CFAP299: variants seen among roughly 807,000 people sequenced by gnomAD.
CFAP299 encodes the protein cilia- and flagella-associated protein 299.
CFAP299 carries 21 observed loss-of-function variants against 27.0 expected under a neutral mutation model. The ratio of observed to expected loss-of-function variants is 0.78; its 90% confidence interval spans 0.55 to 1.12. The LOEUF is 1.12. Ranked by LOEUF, CFAP299 falls within the 50% of genes most tolerant of loss-of-function variation. CFAP299 has a pLI of 0.00. For synonymous variants in CFAP299, 104 were observed against 98.1 expected, an observed-to-expected ratio of 1.06 and a Z score of -0.36; for missense variants, 310 against 276.6, an observed-to-expected ratio of 1.12 and a Z score of -0.86.
At chr4:80,815,544 A>T (rs1729378670) in intron 3 of CFAP299, among the ~76,000 whole-genome samples, 1 of 152,096 alleles carries the variant, frequency 6.6e-6, no homozygotes, top group Non-Finnish European at 1.5e-5. Flanking sequence ...AAAGCGGCAC[A>T]GAATAATGAG....
chr4:80,680,749 A>G (rs1168265433), intron 3 of CFAP299, among the ~76,000 whole-genome samples: 1 of 152,190 alleles, frequency 6.6e-6, no homozygotes, highest in Non-Finnish European at 1.5e-5. Flanking sequence ...ATTAAGGCCC[A>G]GGCAAGGAAA....
At chr4:80,701,654 G>A (rs1721489348) in intron 3 of CFAP299, among the ~76,000 whole-genome samples, 3 of 151,900 alleles carry the variant, frequency 2.0e-5, no homozygotes, top group African/African-American at 4.8e-5. Flanking sequence ...ATTGTTAGCA[G>A]AAACTTTCTT....
chr4:80,858,146 G>T (rs1266322922), intron 3 of CFAP299, among the ~76,000 whole-genome samples: 1 of 152,204 alleles, frequency 6.6e-6, no homozygotes, highest in Non-Finnish European at 1.5e-5. Context: ...GAGAGTGTAT[G>T]TGTCGAGGAA....
intron 2 of CFAP299, among the ~76,000 whole-genome samples, chr4:80,432,069 T>C (rs1010681871): frequency 6.6e-6 from 1 of 152,226 alleles, no homozygotes; most frequent in Non-Finnish European, 1.5e-5. Flanking sequence ...ATAATCTCAC[T>C]TATAGATAGG....
chr4:80,335,955 G>A, intron 1 of CFAP299, 76 bp downstream of exon 1: 3 of 937,054 alleles, frequency 3.2e-6, no homozygotes, highest in Non-Finnish European at 5.2e-6. Context: ...TTCGTGGGCT[G>A]GTCGCCCCCT....
intron 1 of CFAP299, among the ~76,000 whole-genome samples, chr4:80,360,269 C>T (rs1388073227): frequency 6.6e-6 from 1 of 152,180 alleles, no homozygotes; most frequent in Non-Finnish European, 1.5e-5. Flanking sequence ...TGCCTCTCTG[C>T]AGGCACTCAC....
At chr4:80,465,812 T>C (rs1729671786) in intron 2 of CFAP299, among the ~76,000 whole-genome samples, 1 of 152,214 alleles carries the variant, frequency 6.6e-6, no homozygotes, top group Admixed American at 6.5e-5. Context: ...CTTTGAGCTG[T>C]TCTTTCATTG....
At chr4:80,855,211 T>A (rs1731776568) in intron 3 of CFAP299, among the ~76,000 whole-genome samples, 1 of 152,114 alleles carries the variant, frequency 6.6e-6, no homozygotes, top group South Asian at 2.1e-4. Flanking sequence ...AGCATATATA[T>A]TATATGCATA....
At chr4:80,942,996 A>G (rs1402286883) in intron 4 of CFAP299, among the ~76,000 whole-genome samples, 1 of 152,198 alleles carries the variant, frequency 6.6e-6, no homozygotes, top group Non-Finnish European at 1.5e-5. Context: ...ATGCTACAGA[A>G]TCATCTGCTG....
intron 4 of CFAP299, among the ~76,000 whole-genome samples, chr4:80,911,145 T>C (rs962594466): frequency 6.6e-6 from 1 of 151,828 alleles, no homozygotes; most frequent in African/African-American, 2.4e-5. Flanking sequence ...ATAAGTTGTT[T>C]GTTCCTTTCT....
At chr4:80,884,384 G>T (rs923000069) in intron 4 of CFAP299, among the ~76,000 whole-genome samples, 21 of 151,988 alleles carry the variant, frequency 1.4e-4, no homozygotes, top group Admixed American at 6.6e-5. Flanking sequence ...CAAATAAGTG[G>T]AATATTAACA....
At chr4:80,654,784 CTTTTTTTTTTT>C (rs369680550) in intron 3 of CFAP299, among the ~76,000 whole-genome samples, 51 of 126,792 alleles carry the variant, frequency 4.0e-4, no homozygotes, top group African/African-American at 1.5e-3. Context: ...TAATTTTTAA[CTTTTTTTTTTT>C]TTTTTTTTTG....
At chr4:80,433,561 A>T (rs1288701018) in intron 2 of CFAP299, among the ~76,000 whole-genome samples, 3 of 152,196 alleles carry the variant, frequency 2.0e-5, no homozygotes, top group African/African-American at 7.2e-5. Context: ...TAAATAGTTC[A>T]CTTGGTTGTC....
intron 3 of CFAP299, among the ~76,000 whole-genome samples, chr4:80,590,562 G>A (rs771456602): frequency 6.6e-6 from 1 of 152,060 alleles, no homozygotes; most frequent in Non-Finnish European, 1.5e-5. Context: ...GTTTGAACCC[G>A]GGAGGCGGAG....
intron 2 of CFAP299, among the ~76,000 whole-genome samples, chr4:80,374,159 G>A (rs973532855): frequency 2.0e-5 from 3 of 152,106 alleles, no homozygotes; most frequent in Non-Finnish European, 2.9e-5. Context: ...CCTGTGTTCT[G>A]AGAAAGTGTC....
chr4:80,419,661 C>T (rs758524191), intron 2 of CFAP299, among the ~76,000 whole-genome samples: 2 of 152,082 alleles, frequency 1.3e-5, no homozygotes, highest in Non-Finnish European at 2.9e-5. Flanking sequence ...CTGAGATTCC[C>T]GGTGCGGGGT....
chr4:80,546,183 G>T (rs997419792), intron 2 of CFAP299, among the ~76,000 whole-genome samples: 1 of 152,108 alleles, frequency 6.6e-6, no homozygotes, highest in Non-Finnish European at 1.5e-5. Flanking sequence ...TTGAGAACTG[G>T]AGCATGACAA....
chr4:80,634,516 A>T (rs940395076), intron 3 of CFAP299, among the ~76,000 whole-genome samples: 1 of 152,094 alleles, frequency 6.6e-6, no homozygotes, highest in Non-Finnish European at 1.5e-5. Context: ...CATACTTAAA[A>T]TTGTGCCTGC....
rs993055445 is a variant in CFAP299 at position 80,551,254 on chromosome 4, C to T, written c.243-31839C>T. On this transcript the variant is annotated intron_variant, in intron 2 of 5. Transcript: ENST00000358105. ...ATATGCCATATTAGGGTTCTTACAA[C>T]GGTATTTGTGGTACATTAGATTATG... Among the ~76,000 whole-genome samples, 12 of 152,162 alleles carry T rather than the reference C, an allele frequency of 7.9e-5. 1 individual carries two copies. The South Asian group carries it at 1.5e-3, about 18-fold the overall frequency.
Sources: allele counts gnomAD v4.1 joint callset (sites outside exome capture counted in the v4.1 genomes callset), GRCh38; gene constraint gnomAD v4.1.1; transcripts MANE v1.5; gene names NCBI Gene and HGNC (gene_info 2026-07-23, HGNC 2026-07-21).